Variants in SMYD1 observed in about 807,000 individuals in gnomAD.
SMYD1 encodes histone-lysine N-methyltransferase SMYD1.
SMYD1 carries 49 observed loss-of-function variants against 54.0 expected under a neutral mutation model. The observed-to-expected ratio is 0.91, with a 90% CI of 0.72 to 1.15. SMYD1 has a LOEUF of 1.15. Among genes scored for constraint, SMYD1 ranks in the 50% most tolerant of loss-of-function variants. SMYD1 has a pLI of 0.00. For missense variants in SMYD1, 653 were observed against 639.6 expected (o/e 1.02, Z -0.23); for synonymous variants, 269 against 234.2 (o/e 1.15, Z -1.36).
At chr2:88,087,216 A>G (rs2103992253) in intron 2 of SMYD1, among the ~76,000 whole-genome samples, 1 of 152,182 alleles carries the variant, frequency 6.6e-6, no homozygotes, top group East Asian at 1.9e-4. Context: ...CACCAGATAG[A>G]TTCAGAGAGG....
Position 88,088,028 on chromosome 2 carries a change from C to G in SMYD1, c.481C>G (p.Gln161Glu), listed in dbSNP as rs369489056. Residue 161 changes from glutamine to glutamate, a missense_variant, in exon 3 of 10, where the codon CAG becomes GAG. Transcript: ENST00000419482. The part of the protein sequence containing the change: ...VDTFLQYWPP[Q>E]SQQFSMQYIS... ...CACATTCTTGCAGTACTGGCCGCCG[C>G]AGAGCCAGCAGTTCAGCATGCAGTA... 52 of 1,614,058 alleles carry G rather than the reference C, an allele frequency of 3.2e-5. No homozygotes were observed. Among genetic ancestry groups the G allele is most frequent in the Non-Finnish European group, 4.1e-5 (48 of 1,180,036 alleles).
At chr2:88,102,116 A>G (rs1433928270) in intron 6 of SMYD1, among the ~76,000 whole-genome samples, 1 of 151,766 alleles carries the variant, frequency 6.6e-6, no homozygotes, top group Admixed American at 6.6e-5. Context: ...CAACTTGCAT[A>G]TGTCAATTTT....
chr2:88,097,852 C>A (rs1341906848), intron 6 of SMYD1, among the ~76,000 whole-genome samples: 1 of 152,072 alleles, frequency 6.6e-6, no homozygotes, highest in African/African-American at 2.4e-5. Context: ...CAAGCATACT[C>A]GGTTTCCATA....
chr2:88,068,001 G>A lies in SMYD1; in HGVS notation c.137G>A (p.Ser46Asn). 5.0e-6 allele frequency: 8 copies of A among 1,612,402 alleles called. No homozygotes were observed. The highest frequency in any genetic ancestry group is 1.3e-5 in the African/African-American group (1 of 74,976). ...GCTTATTCCGCAGTGGTTTTTGACA[G>A]GTATGAAATGTGGGGAGTTGCCTTC... Reference protein sequence around the residue: ...ERAYSAVVFDSLVNFVCHTCF... With the variant: ...ERAYSAVVFDNLVNFVCHTCF... The change falls in exon 1 of 10, where the codon AGC becomes AAC. Residue 46 changes from serine (S) to asparagine (N), a missense_variant and splice_region_variant. By Grantham distance (46) the Ser-to-Asn change is conservative. Transcript: ENST00000419482.
At chr2:88,093,311 A>G (rs1175153778) in intron 4 of SMYD1, among the ~76,000 whole-genome samples, 1 of 152,178 alleles carries the variant, frequency 6.6e-6, no homozygotes, top group East Asian at 1.9e-4. Context: ...TTGAATCCAG[A>G]ATGTCTTGTT....
chr2:88,088,521 G>A (rs1170400548), intron 3 of SMYD1, among the ~76,000 whole-genome samples: 1 of 152,170 alleles, frequency 6.6e-6, no homozygotes, highest in Non-Finnish European at 1.5e-5. Context: ...CCTGGACTCT[G>A]TCTTCTGGCC....
At position 88,103,321 on chromosome 2, in the gene SMYD1, T is replaced by C. The variant is rs10201919; in HGVS notation, c.981+171T>C. Reference sequence around the variant, plus strand: ...GATCATGACTCTTCTTGTCCGTAAATCTTTAGCATCTCTTAGGGGTGCGTT... The same window carrying C: ...GATCATGACTCTTCTTGTCCGTAAACCTTTAGCATCTCTTAGGGGTGCGTT... On this transcript the variant is annotated intron_variant, in intron 7 of 9. Transcript: ENST00000419482. Among the ~76,000 whole-genome samples the C allele has an allele frequency of 6.7e-3, 1,027 of 152,208 alleles. 12 individuals are homozygous for C. The highest frequency in any genetic ancestry group is 0.023 in the African/African-American group (952 of 41,514).
chr2:88,080,457 G>T (rs765910975), intron 1 of SMYD1, among the ~76,000 whole-genome samples: 3 of 152,208 alleles, frequency 2.0e-5, no homozygotes, highest in African/African-American at 7.2e-5. Flanking sequence ...GTCAATTTGG[G>T]TGTAAAATAT....
intron 1 of SMYD1, among the ~76,000 whole-genome samples, chr2:88,079,353 A>G (rs1451116810): frequency 6.6e-6 from 1 of 152,212 alleles, no homozygotes; most frequent in Non-Finnish European, 1.5e-5. Context: ...ATCAGGCCCT[A>G]TTAGAAGTGT....
At position 88,106,329 on chromosome 2, in the gene SMYD1, T is replaced by C; in HGVS notation, c.986T>C (p.Val329Ala). Residue 329 changes from valine (V) to alanine (A), a missense_variant, in exon 8 of 10, where the codon GTG (valine) becomes GCG (alanine). Coordinates refer to ENST00000419482, the MANE Select transcript of SMYD1 (RefSeq NM_198274.4). The stretch of plus-strand genomic sequence containing the variant: ...AGGGCCTCTGTCTCACTCTAGGTTG[T>C]GAAATTATGCCGGGAGTGCCTGGAG... Reference protein sequence around the residue: ...ARSEGLYHEVVKLCRECLEKQ... With the variant: ...ARSEGLYHEVAKLCRECLEKQ... 1 of 1,614,094 alleles carries C rather than the reference T, an allele frequency of 6.2e-7. No individual in the cohort carries two copies.
intron 2 of SMYD1, among the ~76,000 whole-genome samples, chr2:88,086,908 T>C (rs1313283676): frequency 1.3e-5 from 2 of 150,724 alleles, no homozygotes; most frequent in African/African-American, 2.4e-5. Flanking sequence ...TATGTATACA[T>C]GTGCCATGCT....
intron 2 of SMYD1, among the ~76,000 whole-genome samples, chr2:88,085,806 G>C (rs1674311523): frequency 6.6e-6 from 1 of 152,192 alleles, no homozygotes; most frequent in Non-Finnish European, 1.5e-5. Context: ...CAGGCACCTG[G>C]AGTCCCATGC....
intron 6 of SMYD1, among the ~76,000 whole-genome samples, chr2:88,101,261 C>A (rs188864964): frequency 1.3e-5 from 2 of 152,190 alleles, no homozygotes; most frequent in Admixed American, 1.3e-4. Flanking sequence ...AACCGCAAAT[C>A]GAAAGGAAGC....
At chr2:88,103,814 T>G (rs1180029439) in intron 7 of SMYD1, among the ~76,000 whole-genome samples, 2 of 152,190 alleles carry the variant, frequency 1.3e-5, no homozygotes, top group Non-Finnish European at 2.9e-5. Flanking sequence ...ATTTCCATTC[T>G]CATACTCTAA....
At chr2:88,088,463 G>A (rs1674390116) in intron 3 of SMYD1, among the ~76,000 whole-genome samples, 1 of 152,090 alleles carries the variant, frequency 6.6e-6, no homozygotes. Flanking sequence ...GGGAGGGGAG[G>A]CCAAGAGGAC....
In SMYD1 at chr2:88,110,351, C is replaced by T. The variant is rs1369021732; in HGVS notation, c.1315-3C>T. 1 of 1,609,894 alleles carries T rather than the reference C, an allele frequency of 6.2e-7. No homozygotes were observed. Among genetic ancestry groups the T allele is most frequent in the Non-Finnish European group, 8.5e-7 (1 of 1,177,950 alleles). On this transcript the variant is annotated splice_polypyrimidine_tract_variant and splice_region_variant and intron_variant, in intron 9 of 9. Coordinates refer to ENST00000419482, the MANE Select transcript of SMYD1 (RefSeq NM_198274.4). The stretch of plus-strand genomic sequence containing the variant: ...CTGTTTACGGTGTATCTGTGTCCCA[C>T]AGGCCATGCGGGTGCAGACGGAGAT...
At chr2:88,094,602 A>G (rs1297011529) in intron 5 of SMYD1, among the ~76,000 whole-genome samples, 4 of 152,206 alleles carry the variant, frequency 2.6e-5, no homozygotes, top group Non-Finnish European at 5.9e-5. Context: ...AAAATCAGGC[A>G]TACATATATG....
At chr2:88,075,813 G>A (rs974544182) in intron 1 of SMYD1, among the ~76,000 whole-genome samples, 2 of 152,068 alleles carry the variant, frequency 1.3e-5, no homozygotes, top group African/African-American at 4.8e-5. Flanking sequence ...AAAGTTCTGG[G>A]ATTACAGGTG....
At position 88,087,861 on chromosome 2, in the gene SMYD1, G is replaced by T; in HGVS notation, c.315-1G>T. 1.3e-6 allele frequency: 2 copies of T among 1,572,726 alleles called. No homozygotes were observed. The highest frequency in any genetic ancestry group is 1.8e-5 in the Admixed American group (1 of 55,854). Reference sequence around the variant, plus strand: ...GCCTCCTGACGCTGCCCTTCCCACAGGCTGGCGGCGCGCATCATGTGGCGG... The same window carrying T: ...GCCTCCTGACGCTGCCCTTCCCACATGCTGGCGGCGCGCATCATGTGGCGG... On this transcript the variant is annotated splice_acceptor_variant, in intron 2 of 9. Coordinates refer to ENST00000419482, the MANE Select transcript of SMYD1 (RefSeq NM_198274.4). LOFTEE classifies it high-confidence loss of function.
Sources: gnomAD v4.1 joint callset for allele counts (sites outside exome capture counted in the v4.1 genomes callset) on GRCh38, gnomAD v4.1.1 for gene constraint, MANE v1.5 for transcripts, NCBI Gene and HGNC (gene_info 2026-07-23, HGNC 2026-07-21) for gene names.